Variants in PDXDC1 observed in about 807,000 individuals in gnomAD.
The protein encoded by PDXDC1 is pyridoxal dependent decarboxylase domain containing 1, also known as pyridoxal-dependent decarboxylase domain-containing protein 1.
In PDXDC1, 42 loss-of-function variants were observed where a neutral mutation model predicts 100.1. That is an observed-to-expected ratio of 0.42 (90% CI 0.33 to 0.54). The LOEUF (loss-of-function observed/expected upper bound fraction) is 0.54. PDXDC1 is among the 20% of genes least tolerant of loss of function. The pLI, the probability that PDXDC1 is intolerant of heterozygous loss-of-function variation, is 0.10. For synonymous variants in PDXDC1, 260 were observed against 371.7 expected (o/e 0.70, Z 3.46); for missense variants, 636 against 979.2 (o/e 0.65, Z 4.68).
chr16:15,122,890 C>T (rs369225578), intron 16 of PDXDC1, among the ~76,000 whole-genome samples: 4 of 116,716 alleles, frequency 3.4e-5, no homozygotes, highest in African/African-American at 1.3e-4. Context: ...GAGAAGGGGG[C>T]TGTTGGGTAC....
intron 16 of PDXDC1, among the ~76,000 whole-genome samples, chr16:15,132,347 AGGGGAGG>A: frequency 6.3e-5 from 1 of 15,758 alleles, no homozygotes; most frequent in East Asian, 2.6e-3. Flanking sequence ...GGCAGGGGCT[AGGGGAGG>A]GGGGAGGGGC....
In PDXDC1 at chr16:15,037,815, TCAATTTTTTAGTAAA is replaced by T; in HGVS notation, c.*1542_*1556del. The T allele has an allele frequency of 2.2e-6, 1 of 453,532 alleles. No individual in the cohort carries two copies. The highest frequency in any genetic ancestry group is 3.9e-6 in the Non-Finnish European group (1 of 257,930). 28.1% of individuals were successfully genotyped at this position (453,532 alleles called of 1,614,324 possible). ...TACCGACCAAAAAAAAAACTGGACA[TCAATTTTTTAGTAAA>T]CCAAAAAATAAGTCTCAACAAATGC... On this transcript the variant is annotated 3_prime_UTR_variant, in exon 23 of 23. Coordinates refer to ENST00000396410, the MANE Select transcript of PDXDC1 (RefSeq NM_015027.4).
At chr16:15,108,104 C>G (rs909656441) in intron 16 of PDXDC1, 2 of 914,196 alleles carry the variant, frequency 2.2e-6, no homozygotes, top group Admixed American at 1.2e-4. Flanking sequence ...GGTGTCATGT[C>G]CTGAAAATAG....
chr16:15,054,716 A>T (rs1248084255), intron 16 of PDXDC1, among the ~76,000 whole-genome samples: 1 of 152,128 alleles, frequency 6.6e-6, no homozygotes, highest in Non-Finnish European at 1.5e-5. Flanking sequence ...TTATGCAGCA[A>T]ATCTTTACTG....
Position 15,033,258 on chromosome 16 carries a change from T to C in PDXDC1, c.1691-20T>C, listed in dbSNP as rs1358648782. 1 of 1,613,920 alleles carries C rather than the reference T, an allele frequency of 6.2e-7. No individual in the cohort carries two copies. The highest frequency in any genetic ancestry group is 8.5e-7 in the Non-Finnish European group (1 of 1,179,808). On this transcript the variant is annotated intron_variant, in intron 18 of 22. Transcript: ENST00000396410. ...TGACAGAGGACTGAGAAACTCAAGT[T>C]TGTCTCGTTACCTTTGCAGGCCCTG...
chr16:15,116,117 T>TAA (rs1175364451), intron 16 of PDXDC1, among the ~76,000 whole-genome samples: 2 of 114 alleles, frequency 0.018, no homozygotes, highest in Admixed American at 0.038. Flanking sequence ...TCAGCATAAG[T>TAA]AAAAAAAAAA....
intron 16 of PDXDC1, among the ~76,000 whole-genome samples, chr16:15,112,325 T>TCTTGTGCCTCGGCCTCC (rs1181203179): frequency 6.8e-6 from 1 of 146,818 alleles, no homozygotes; most frequent in Non-Finnish European, 1.5e-5. Flanking sequence ...TTCAAGCGAT[T>TCTTGTGCCTCGGCCTCC]CTTGTGCCTC....
At position 15,036,544 on chromosome 16, in the gene PDXDC1, GA is replaced by G. The variant is rs2043465984; in HGVS notation, c.*271del. 2.0e-6 allele frequency: 1 copy of G among 492,820 alleles called. No individual in the cohort carries two copies. The highest frequency in any genetic ancestry group is 1.9e-5 in the African/African-American group (1 of 52,216). 30.5% of individuals were successfully genotyped at this position (492,820 alleles called of 1,614,324 possible). ...ACATTTTATTCACAAAAAACACTTC[GA>G]ATTTCAAGTGTCTACCAGTAGCACC... On this transcript the variant is annotated 3_prime_UTR_variant, in exon 23 of 23. Transcript: ENST00000396410.
At chr16:15,025,705 A>G (rs1280467951) in intron 13 of PDXDC1, 1 of 152,450 alleles carries the variant, frequency 6.6e-6, no homozygotes, top group Non-Finnish European at 1.5e-5. Context: ...TTTTATTACT[A>G]GAGCTATAGT....
At position 14,983,149 on chromosome 16, in the gene PDXDC1, T is replaced by C. The variant is rs1182092043; in HGVS notation, c.21+7929T>C. Among the ~76,000 whole-genome samples the C allele has an allele frequency of 2.6e-5, 4 of 152,348 alleles. No individual in the cohort carries two copies. In the East Asian group the frequency reaches 7.7e-4, roughly 29 times the overall value. On this transcript the variant is annotated intron_variant, in intron 1 of 22. Transcript: ENST00000396410. ...CTAAAAGTCCCCCAAATAAGAACAT[T>C]CCTCTCCTGAAAAAAAAACTTTGTT...
chr16:15,111,521 A>C (rs1430059314), intron 16 of PDXDC1, among the ~76,000 whole-genome samples: 1 of 148,064 alleles, frequency 6.8e-6, no homozygotes, highest in East Asian at 1.9e-4. Context: ...GCACTTTGGG[A>C]GGCCGAGGCG....
chr16:14,989,664 G>A, intron 1 of PDXDC1: 3 of 1,561,762 alleles, frequency 1.9e-6, no homozygotes, highest in South Asian at 1.2e-5. Flanking sequence ...GGGGCCGGCG[G>A]CCACGGGGCC....
At chr16:15,003,151 C>T (rs557924882) in intron 4 of PDXDC1, among the ~76,000 whole-genome samples, 1 of 151,966 alleles carries the variant, frequency 6.6e-6, no homozygotes, top group African/African-American at 2.4e-5. Context: ...ACCTAGTCCC[C>T]CATGAATTTG....
intron 16 of PDXDC1, chr16:15,128,437 C>G: frequency 1.9e-6 from 2 of 1,071,772 alleles, no homozygotes; most frequent in Non-Finnish European, 1.4e-6. Flanking sequence ...CTGCCCAACA[C>G]GTGTGGCATC....
At chr16:15,039,940 C>T, downstream of PDXDC1, 2 of 1,278,760 alleles carry the variant, frequency 1.6e-6, no homozygotes, top group East Asian at 2.3e-5. Flanking sequence ...TTTTTTTTAA[C>T]CCCTTAACAA....
chr16:15,082,522 A>T (rs1184809964), intron 16 of PDXDC1, among the ~76,000 whole-genome samples: 1 of 151,736 alleles, frequency 6.6e-6, no homozygotes, highest in Non-Finnish European at 1.5e-5. Flanking sequence ...AAAACACAAA[A>T]ATTAGCGGGG....
chr16:15,039,391 T>TTTTTCACACTTTGAGCA (rs1434841956), downstream of PDXDC1, among the ~76,000 whole-genome samples: 1 of 152,192 alleles, frequency 6.6e-6, no homozygotes, highest in Non-Finnish European at 1.5e-5. Context: ...TGATTTCCGT[T>TTTTTCACACTTTGAGCA]TTTTCACACT....
At chr16:14,990,051 C>A (rs111367338) in intron 1 of PDXDC1, 2 of 1,490,914 alleles carry the variant, frequency 1.3e-6, no homozygotes, top group Admixed American at 2.2e-5. Context: ...CGCGCCGGAC[C>A]CCCCAAACCA....
At chr16:15,145,848 C>G in the PDXDC1 span, among the ~76,000 whole-genome samples, 2 of 152,244 alleles carry the variant, frequency 1.3e-5, no homozygotes, top group African/African-American at 4.8e-5. Flanking sequence ...CAGGCCCAGA[C>G]GGCAGCGGGC....
Sources: allele counts gnomAD v4.1 joint callset (sites outside exome capture counted in the v4.1 genomes callset), GRCh38; gene constraint gnomAD v4.1.1; transcripts MANE v1.5; gene names NCBI Gene and HGNC (gene_info 2026-07-23, HGNC 2026-07-21).